SCAPER: variants seen among roughly 807,000 people sequenced by gnomAD.
The protein encoded by SCAPER is S-phase cyclin A associated protein in the ER, also known as S phase cyclin A-associated protein in the endoplasmic reticulum.
Under a neutral mutation model 182.2 loss-of-function variants are expected in SCAPER, and 98 were observed. The observed-to-expected ratio is 0.54, with a 90% confidence interval of 0.46 to 0.64. The LOEUF is 0.64. SCAPER is among the 30% of genes least tolerant of loss of function. SCAPER has a pLI of 0.00. For missense variants in SCAPER, 1,432 were observed against 1,690.0 expected (o/e 0.85, Z 2.68); for synonymous variants, 605 against 564.6 (o/e 1.07, Z -1.01).
chr15:76,612,802 C>T (rs1233131038), intron 22 of SCAPER, among the ~76,000 whole-genome samples: 4 of 152,204 alleles, frequency 2.6e-5, no homozygotes, highest in Non-Finnish European at 5.9e-5. Context: ...ACACTCCATG[C>T]TCATGGATAG....
At chr15:76,476,731 GC>G (rs1567220419) in intron 24 of SCAPER, among the ~76,000 whole-genome samples, 1 of 151,636 alleles carries the variant, frequency 6.6e-6, no homozygotes, top group African/African-American at 2.4e-5. Flanking sequence ...ATAGGCGTTA[GC>G]CAACACACCT....
At chr15:76,883,917 C>A in intron 1 of SCAPER, 41 bp from the exon 2 acceptor site, 1 of 896,664 alleles carries the variant, frequency 1.1e-6, no homozygotes, top group East Asian at 3.0e-5. Context: ...ATAACATTAC[C>A]AGAAAACCAT....
chr15:76,715,819 GC>G (rs1195405229), intron 17 of SCAPER, among the ~76,000 whole-genome samples: 2 of 152,054 alleles, frequency 1.3e-5, no homozygotes, highest in East Asian at 3.9e-4. Context: ...CTACATCCCA[GC>G]CCCCTGGGCC....
intron 23 of SCAPER, among the ~76,000 whole-genome samples, chr15:76,561,603 A>C (rs1210774232): frequency 5.3e-5 from 8 of 152,264 alleles, no homozygotes; most frequent in African/African-American, 1.9e-4. Flanking sequence ...AAGGGTGGTT[A>C]ATCACAGTAT....
At chr15:76,539,544 TC>T (rs376706198) in intron 23 of SCAPER, among the ~76,000 whole-genome samples, 3 of 129,738 alleles carry the variant, frequency 2.3e-5, no homozygotes, top group Admixed American at 8.5e-5. Context: ...AATCAAAATT[TC>T]TTTTTTTTTT....
chr15:76,617,710 C>G (rs1010928740), intron 22 of SCAPER, among the ~76,000 whole-genome samples: 1 of 152,124 alleles, frequency 6.6e-6, no homozygotes, highest in African/African-American at 2.4e-5. Context: ...ACCATAGACC[C>G]GTGAGGCTAA....
chr15:76,702,086 C>T (rs1356991087), intron 19 of SCAPER, among the ~76,000 whole-genome samples: 1 of 152,000 alleles, frequency 6.6e-6, no homozygotes, highest in African/African-American at 2.4e-5. Flanking sequence ...TCGCCGGAAC[C>T]TGGGAGGCGG....
intron 1 of SCAPER, among the ~76,000 whole-genome samples, chr15:76,900,673 G>A (rs931220539): frequency 5.3e-5 from 8 of 152,180 alleles, no homozygotes; most frequent in Admixed American, 2.0e-4. Flanking sequence ...GAAATGTAAA[G>A]ATGGGCTCAA....
intron 25 of SCAPER, among the ~76,000 whole-genome samples, chr15:76,440,918 G>GTTTTTTTT (rs1187911987): frequency 3.2e-5 from 2 of 62,654 alleles, no homozygotes; most frequent in African/African-American, 6.5e-5. Flanking sequence ...TTTTTTTTTT[G>GTTTTTTTT]TTTTTTTTTT....
chr15:76,358,255 G>C (rs941740988), intron 29 of SCAPER, among the ~76,000 whole-genome samples: 1 of 152,204 alleles, frequency 6.6e-6, no homozygotes, highest in South Asian at 2.1e-4. Context: ...AGCTATTCCT[G>C]ATCATTCTCT....
chr15:76,437,211 T>C (rs893546149), intron 25 of SCAPER, among the ~76,000 whole-genome samples: 1 of 152,110 alleles, frequency 6.6e-6, no homozygotes, highest in Non-Finnish European at 1.5e-5. Flanking sequence ...TTTCAACCAA[T>C]TCCCCTCTTT....
chr15:76,706,677 C>A (rs557161323), intron 17 of SCAPER, among the ~76,000 whole-genome samples: 1 of 152,188 alleles, frequency 6.6e-6, no homozygotes, highest in East Asian at 1.9e-4. Context: ...AGATAATATA[C>A]TGAAAACAGG....
At chr15:76,855,730 C>T (rs1014544826) in intron 4 of SCAPER, 8 of 251,632 alleles carry the variant, frequency 3.2e-5, no homozygotes, top group East Asian at 9.4e-5. Context: ...TACCACTTCA[C>T]ACCAGTCGGA....
intron 20 of SCAPER, among the ~76,000 whole-genome samples, chr15:76,685,038 T>C (rs2057949975): frequency 6.6e-6 from 1 of 152,020 alleles, no homozygotes. Flanking sequence ...AAAGATAATA[T>C]ACCAGTAATG....
intron 8 of SCAPER, among the ~76,000 whole-genome samples, chr15:76,791,535 A>G (rs2065006611): frequency 6.6e-6 from 1 of 152,134 alleles, no homozygotes; most frequent in Non-Finnish European, 1.5e-5. Context: ...TAGAATTCAG[A>G]GAATCTAAAG....
intron 20 of SCAPER, among the ~76,000 whole-genome samples, chr15:76,694,958 G>C (rs542271546): frequency 6.6e-5 from 10 of 152,120 alleles, no homozygotes; most frequent in African/African-American, 2.2e-4. Context: ...TCATAAGATG[G>C]AGAAAAAGTT....
chr15:76,669,649 C>T (rs1184843549), intron 20 of SCAPER, among the ~76,000 whole-genome samples: 3 of 152,174 alleles, frequency 2.0e-5, no homozygotes, highest in African/African-American at 7.2e-5. Context: ...TTAACAAACA[C>T]AGATGTTTAC....
intron 9 of SCAPER, among the ~76,000 whole-genome samples, chr15:76,772,823 G>A (rs1429905930): frequency 6.6e-6 from 1 of 151,734 alleles, no homozygotes; most frequent in Non-Finnish European, 1.5e-5. Flanking sequence ...CTAAGTCAAA[G>A]AACTAAAATC....
At position 76,394,581 on chromosome 15, in the gene SCAPER, T is replaced by C. The variant is rs7165845; in HGVS notation, c.3467+9943A>G. Among the ~76,000 whole-genome samples the C allele has an allele frequency of 8.4e-3, 1,275 of 152,326 alleles. 13 individuals carry two copies. Among genetic ancestry groups the C allele is most frequent in the African/African-American group, 0.029 (1,206 of 41,574 alleles). On this transcript the variant is annotated intron_variant, in intron 27 of 31. Coordinates refer to ENST00000563290, the MANE Select transcript of SCAPER (RefSeq NM_020843.4). ...CGTCTCTTACCTGGACAACTGTTAA[T>C]GCCCCTTGCACTTTCCACCTTCTAA...
Sources: gnomAD v4.1 joint callset for allele counts (sites outside exome capture counted in the v4.1 genomes callset) on GRCh38, gnomAD v4.1.1 for gene constraint, MANE v1.5 for transcripts, NCBI Gene and HGNC (gene_info 2026-07-23, HGNC 2026-07-21) for gene names.